Variants in DPYD observed in about 807,000 individuals in gnomAD.
DPYD encodes dihydropyrimidine dehydrogenase.
DPYD carries 109 observed loss-of-function variants against 116.2 expected under a neutral mutation model. The observed-to-expected ratio is 0.94, with a 90% confidence interval of 0.80 to 1.10. The LOEUF is 1.10. Ranked by LOEUF, DPYD falls within the 50% of genes least tolerant of loss-of-function variation. DPYD has a pLI of 0.00. For missense variants in DPYD, 1,302 were observed against 1,254.5 expected (o/e 1.04, Z -0.57); for synonymous variants, 440 against 432.0 (o/e 1.02, Z -0.23).
intron 20 of DPYD, among the ~76,000 whole-genome samples, chr1:97,103,021 T>C (rs1650862426): frequency 1.3e-5 from 2 of 152,038 alleles, no homozygotes; most frequent in Admixed American, 1.3e-4. Flanking sequence ...GGGAGCAGTG[T>C]GGTATAATGG....
intron 8 of DPYD, among the ~76,000 whole-genome samples, chr1:97,676,554 A>G (rs1660156023): frequency 6.6e-6 from 1 of 152,202 alleles, no homozygotes; most frequent in Admixed American, 6.5e-5. Flanking sequence ...GCCCAAATGT[A>G]TATCCTAAAT....
chr1:97,844,647 G>A (rs966591241), intron 2 of DPYD, among the ~76,000 whole-genome samples: 3 of 152,174 alleles, frequency 2.0e-5, no homozygotes, highest in Non-Finnish European at 2.9e-5. Flanking sequence ...AGGAAGCATG[G>A]CCAGCGCTAC....
Position 97,193,251 on chromosome 1 carries a change from A to C in DPYD, c.2443-3T>G. 6.2e-7 allele frequency: 1 copy of C among 1,612,966 alleles called. No individual in the cohort carries two copies. Among genetic ancestry groups the C allele is most frequent in the East Asian group, 2.2e-5 (1 of 44,744 alleles). Reference sequence around the variant, plus strand: ...TGATTCTGAATGGCACTGCATACCTAGAAAAGACAGAGCAGTCAACCAAGT... The same window carrying C: ...TGATTCTGAATGGCACTGCATACCTCGAAAAGACAGAGCAGTCAACCAAGT... On this transcript the variant is annotated splice_region_variant and splice_polypyrimidine_tract_variant and intron_variant, in intron 19 of 22. Transcript: ENST00000370192.
At chr1:97,694,976 T>C (rs1204462615) in intron 6 of DPYD, among the ~76,000 whole-genome samples, 30 of 152,210 alleles carry the variant, frequency 2.0e-4, no homozygotes, top group Admixed American at 2.0e-3. Context: ...CATTGTGTTC[T>C]ACAGGAAAGT....
intron 1 of DPYD, among the ~76,000 whole-genome samples, chr1:97,915,046 A>T (rs1016554568): frequency 4.6e-5 from 7 of 152,194 alleles, no homozygotes; most frequent in African/African-American, 1.4e-4. Flanking sequence ...GTAACCAATT[A>T]AAAAAGCATA....
chr1:97,544,508 A>G (rs1159174151), intron 12 of DPYD, among the ~76,000 whole-genome samples: 1 of 152,172 alleles, frequency 6.6e-6, no homozygotes, highest in African/African-American at 2.4e-5. Context: ...AAGCACATGC[A>G]TGTTTTCTTC....
intron 6 of DPYD, among the ~76,000 whole-genome samples, chr1:97,693,296 AAAAAAAAAAAAAAAAAAAAAACC>A (rs1315835679): frequency 9.7e-6 from 1 of 103,476 alleles, no homozygotes; most frequent in African/African-American, 3.1e-5. Context: ...GTCTCAAAAA[AAAAAAAAAAAAAAAAAAAAAACC>A]AAAAAAGAAA....
chr1:97,330,483 T>G (rs747903276), intron 16 of DPYD, among the ~76,000 whole-genome samples: 3 of 152,192 alleles, frequency 2.0e-5, no homozygotes, highest in Non-Finnish European at 4.4e-5. Flanking sequence ...TCCACAAATA[T>G]GTATTCAACT....
chr1:97,552,530 T>C (rs369056195), intron 11 of DPYD, among the ~76,000 whole-genome samples: 12 of 152,216 alleles, frequency 7.9e-5, no homozygotes, highest in African/African-American at 2.2e-4. Context: ...CTTCTGCTCA[T>C]GGGCATTTCT....
At chr1:97,722,250 T>A (rs1173279652) in intron 4 of DPYD, among the ~76,000 whole-genome samples, 1 of 151,238 alleles carries the variant, frequency 6.6e-6, no homozygotes, top group Non-Finnish European at 1.5e-5. Context: ...AACAATCAAG[T>A]ACATCAAAAA....
At chr1:97,692,757 C>T (rs1661078882) in intron 6 of DPYD, among the ~76,000 whole-genome samples, 3 of 151,958 alleles carry the variant, frequency 2.0e-5, no homozygotes, top group South Asian at 2.1e-4. Flanking sequence ...GAATGTGGTA[C>T]GCACAATGAG....
At chr1:97,756,544 A>G (rs934927499) in intron 3 of DPYD, among the ~76,000 whole-genome samples, 1 of 152,202 alleles carries the variant, frequency 6.6e-6, no homozygotes, top group Admixed American at 6.5e-5. Flanking sequence ...TTATTTTAAA[A>G]TAATATTACA....
At position 97,883,297 on chromosome 1, in the gene DPYD, T is replaced by C. The variant is rs745409341; in HGVS notation, c.117A>G (p.Lys39=). 1.9e-5 allele frequency: 30 copies of C among 1,612,546 alleles called. No individual in the cohort carries two copies. Among genetic ancestry groups the C allele is most frequent in the Non-Finnish European group, 2.5e-5 (30 of 1,178,900 alleles). The change falls in exon 2 of 23, where the codon AAA becomes AAG. Residue 39 remains lysine (K), a synonymous_variant. Coordinates refer to ENST00000370192, the MANE Select transcript of DPYD (RefSeq NM_000110.4). ...CSTSAKKLDK[K]HWKRNPDKNC... ...TCTTATCAGGATTTCTTTTCCAATG[T>C]TTCTTGTCTAATTTCTTGGCCGAAG...
At chr1:97,727,712 C>T (rs1196582259) in intron 4 of DPYD, among the ~76,000 whole-genome samples, 1 of 151,796 alleles carries the variant, frequency 6.6e-6, no homozygotes. Flanking sequence ...TGGTAGATAA[C>T]TCCATTGTTT....
chr1:97,604,657 T>C (rs1274189716), intron 8 of DPYD, among the ~76,000 whole-genome samples: 1 of 152,098 alleles, frequency 6.6e-6, no homozygotes, highest in Non-Finnish European at 1.5e-5. Context: ...ACTTGGAATA[T>C]ATTTAGTATT....
intron 18 of DPYD, among the ~76,000 whole-genome samples, chr1:97,293,003 T>A (rs1014600364): frequency 7.2e-5 from 11 of 152,182 alleles, no homozygotes; most frequent in South Asian, 2.1e-4. Flanking sequence ...ATAGAAATAA[T>A]TTGATCCATT....
At chr1:97,631,813 G>A (rs1004951292) in intron 8 of DPYD, among the ~76,000 whole-genome samples, 3 of 151,950 alleles carry the variant, frequency 2.0e-5, no homozygotes, top group Admixed American at 2.0e-4. Flanking sequence ...ATGGGGGATA[G>A]AGGAGTCAGA....
At chr1:97,630,257 TA>T (rs1657175111) in intron 8 of DPYD, among the ~76,000 whole-genome samples, 1 of 152,116 alleles carries the variant, frequency 6.6e-6, no homozygotes, top group Non-Finnish European at 1.5e-5. Flanking sequence ...TATTTTGCCC[TA>T]AAGTTTTCTG....
At chr1:97,381,911 C>T (rs1269130913) in intron 15 of DPYD, among the ~76,000 whole-genome samples, 4 of 152,052 alleles carry the variant, frequency 2.6e-5, no homozygotes, top group African/African-American at 9.7e-5. Flanking sequence ...GCATTCTGTC[C>T]CGCTCTTTTA....
Sources: gnomAD v4.1 joint callset for allele counts (sites outside exome capture counted in the v4.1 genomes callset) on GRCh38, gnomAD v4.1.1 for gene constraint, MANE v1.5 for transcripts, NCBI Gene and HGNC (gene_info 2026-07-23, HGNC 2026-07-21) for gene names.